Variants in ESRP1 observed in about 807,000 individuals in gnomAD.
ESRP1 encodes the protein RNA-binding motif protein 35A.
In ESRP1, 33 loss-of-function variants were observed where a neutral mutation model predicts 81.7. That is an observed-to-expected ratio of 0.40 (90% CI 0.31 to 0.54). The LOEUF (loss-of-function observed/expected upper bound fraction) is 0.54, where lower values mean the gene tolerates loss of function less well. Among genes scored for constraint, ESRP1 ranks in the 20% least tolerant of loss-of-function variants. The pLI is 0.41. For synonymous variants in ESRP1, 320 were observed against 303.3 expected (o/e 1.06, Z -0.57); for missense variants, 672 against 833.1 (o/e 0.81, Z 2.38).
intron 14 of ESRP1, among the ~76,000 whole-genome samples, chr8:94,696,555 G>A (rs949221958): frequency 5.3e-5 from 8 of 152,202 alleles, no homozygotes; most frequent in African/African-American, 1.7e-4. Flanking sequence ...CATGAAAACA[G>A]TACTAGGCAA....
chr8:94,692,400 T>C (rs1809439025), intron 13 of ESRP1, among the ~76,000 whole-genome samples: 1 of 152,116 alleles, frequency 6.6e-6, no homozygotes, highest in Non-Finnish European at 1.5e-5. Flanking sequence ...GGAGTTGACA[T>C]GAGGCTTACT....
intron 13 of ESRP1, among the ~76,000 whole-genome samples, chr8:94,687,116 T>A (rs1809172956): frequency 6.6e-6 from 1 of 152,184 alleles, no homozygotes; most frequent in Non-Finnish European, 1.5e-5. Flanking sequence ...AAAGAAACCT[T>A]ATGCCCATTA....
intron 4 of ESRP1, among the ~76,000 whole-genome samples, chr8:94,660,518 C>A (rs935419545): frequency 6.6e-6 from 1 of 151,816 alleles, no homozygotes; most frequent in Non-Finnish European, 1.5e-5. Context: ...GCAGGTGGAT[C>A]AGCTGAGGTC....
intron 9 of ESRP1, among the ~76,000 whole-genome samples, chr8:94,666,302 G>T (rs1819013435): frequency 6.6e-6 from 1 of 152,222 alleles, no homozygotes; most frequent in Non-Finnish European, 1.5e-5. Flanking sequence ...AGGGAGGATT[G>T]CTTGAGCCTT....
At chr8:94,661,175 A>C (rs548355989) in intron 4 of ESRP1, among the ~76,000 whole-genome samples, 1 of 151,936 alleles carries the variant, frequency 6.6e-6, no homozygotes, top group East Asian at 1.9e-4. Flanking sequence ...TGAGTAGCTG[A>C]GATTACAGGC....
Position 94,674,465 on chromosome 8 carries a change from T to G in ESRP1, c.1610T>G (p.Leu537Ter). 6.2e-7 allele frequency: 1 copy of G among 1,613,924 alleles called. No individual in the cohort carries two copies. Among genetic ancestry groups the G allele is most frequent in the Non-Finnish European group, 8.5e-7 (1 of 1,179,858 alleles). Residue 537 changes from leucine (L) to a stop codon, truncating the protein, a stop_gained, in exon 12 of 16, where the codon TTA (leucine) becomes TGA (stop). Coordinates refer to ENST00000433389, the MANE Select transcript of ESRP1 (RefSeq NM_017697.4). LOFTEE classifies it high-confidence loss of function. ...AACTTTGTGTTAATGGGGGGCACTT[T>G]AAATCGAAATGGCTTATCCCCACCG... ...EMNFVLMGGT[L>*]NRNGLSPPPC...
chr8:94,664,693 A>T lies in ESRP1; in HGVS notation c.645-4A>T, dbSNP rs1818927746. ...TGCAACCTGAAGTTTTGCTTCATCC[A>T]CAGCAGCAAGATGGAACTTATTGAT... On this transcript the variant is annotated splice_polypyrimidine_tract_variant and splice_region_variant and intron_variant, in intron 6 of 15. Coordinates refer to ENST00000433389, the MANE Select transcript of ESRP1 (RefSeq NM_017697.4). 1 of 1,611,428 alleles carries T rather than the reference A, an allele frequency of 6.2e-7. No individual in the cohort carries two copies. The highest frequency in any genetic ancestry group is 1.7e-5 in the Admixed American group (1 of 59,954).
At chr8:94,656,735 T>C (rs758261800) in intron 4 of ESRP1, among the ~76,000 whole-genome samples, 5 of 152,244 alleles carry the variant, frequency 3.3e-5, no homozygotes, top group Non-Finnish European at 5.9e-5. Context: ...ATTTAATGTC[T>C]TGTGACATTT....
At chr8:94,687,075 A>C (rs1309575783) in intron 13 of ESRP1, among the ~76,000 whole-genome samples, 1 of 152,208 alleles carries the variant, frequency 6.6e-6, no homozygotes, top group Non-Finnish European at 1.5e-5. Flanking sequence ...ATCATGTAAC[A>C]GTCTAATTTT....
At chr8:94,700,475 A>G (rs560630140) in intron 15 of ESRP1, among the ~76,000 whole-genome samples, 19 of 152,312 alleles carry the variant, frequency 1.2e-4, no homozygotes, top group Middle Eastern at 6.8e-3. Flanking sequence ...TGGAAGAGGC[A>G]AGGACCTGAC....
In ESRP1 at chr8:94,670,793, T is replaced by A. The variant is rs572688538; in HGVS notation, c.1234-660T>A. Among the ~76,000 whole-genome samples the A allele has an allele frequency of 4.6e-5, 7 of 152,366 alleles. No individual in the cohort carries two copies. The South Asian group carries it at 1.2e-3, about 27-fold the overall frequency. On this transcript the variant is annotated intron_variant, in intron 10 of 15. Transcript: ENST00000433389. ...TCTAGAAGATATTCAAGATCTTTTG[T>A]CTTACCACTGTCTCAAATTCACAGG...
chr8:94,647,619 C>A (rs1013832121), intron 4 of ESRP1, among the ~76,000 whole-genome samples: 1 of 152,100 alleles, frequency 6.6e-6, no homozygotes, highest in South Asian at 2.1e-4. Context: ...CACCCTTTGA[C>A]CATCATTTAA....
Position 94,651,987 on chromosome 8 carries a change from C to CTTTTTT in ESRP1, c.490+5723_490+5728dup, listed in dbSNP as rs35903773. On this transcript the variant is annotated intron_variant, in intron 4 of 15. Transcript: ENST00000433389. ...TGTCTTTGTATTTGTTCTAAAACGC[C>CTTTTTT]TTTTTTTTTTTTTTTTTTTTTTTGA... 6.9e-3 allele frequency among the ~76,000 whole-genome samples: 451 copies of CTTTTTT among 65,198 alleles called. 28 individuals are homozygous for CTTTTTT. Among genetic ancestry groups the CTTTTTT allele is most frequent in the African/African-American group, 0.018 (256 of 13,982 alleles). 42.8% of individuals were successfully genotyped at this position (65,198 alleles called of 152,430 possible).
intron 10 of ESRP1, among the ~76,000 whole-genome samples, chr8:94,668,808 T>TGTGTGTGTGTGTGTGTGTGTGTG (rs56799877): frequency 7.3e-5 from 11 of 151,398 alleles, no homozygotes; most frequent in South Asian, 2.1e-4. Flanking sequence ...TGTGTGTGTG[T>TGTGTGTGTGTGTGTGTGTGTGTG]TTGAGATGGG....
chr8:94,648,868 G>A (rs910981289), intron 4 of ESRP1, among the ~76,000 whole-genome samples: 29 of 152,222 alleles, frequency 1.9e-4, no homozygotes, highest in Admixed American at 2.0e-4. Context: ...AATATTCTAA[G>A]TGTTTTGGAA....
chr8:94,665,122 T>G, intron 8 of ESRP1, 32 bp from the exon 9 acceptor site: 1 of 1,613,734 alleles, frequency 6.2e-7, no homozygotes, highest in Non-Finnish European at 8.5e-7. Context: ...GACGGAAGGC[T>G]CAGAAACACT....
intron 13 of ESRP1, among the ~76,000 whole-genome samples, chr8:94,682,684 G>A (rs1251640828): frequency 2.7e-5 from 3 of 112,210 alleles, no homozygotes; most frequent in Admixed American, 1.9e-4. Context: ...AACATTTTGC[G>A]CCAACAAAGG....
At chr8:94,659,195 TA>T (rs199654486) in intron 4 of ESRP1, among the ~76,000 whole-genome samples, 4 of 151,594 alleles carry the variant, frequency 2.6e-5, no homozygotes, top group Non-Finnish European at 5.9e-5. Flanking sequence ...TTGTTTTGTT[TA>T]AAAAAAAAGA....
chr8:94,696,752 A>G, intron 14 of ESRP1, 100 bp from the exon 15 acceptor site: 1 of 861,890 alleles, frequency 1.2e-6, no homozygotes, highest in Non-Finnish European at 1.8e-6. Context: ...TCCTATCTAA[A>G]TGTCCTATAC....
Sources: allele counts gnomAD v4.1 joint callset (sites outside exome capture counted in the v4.1 genomes callset), GRCh38; gene constraint gnomAD v4.1.1; transcripts MANE v1.5; gene names NCBI Gene and HGNC (gene_info 2026-07-23, HGNC 2026-07-21).